Variants in DSCAML1 observed in about 807,000 individuals in gnomAD.
The protein encoded by DSCAML1 is DS cell adhesion molecule like 1, also known as cell adhesion molecule DSCAML1.
In DSCAML1, 38 loss-of-function variants were observed where a neutral mutation model predicts 200.5. The observed-to-expected ratio is 0.19, with a 90% CI of 0.15 to 0.25. DSCAML1 has a LOEUF of 0.25. DSCAML1 is among the 10% of genes least tolerant of loss of function. DSCAML1 has a pLI of 1.00. For missense variants in DSCAML1, 2,223 were observed against 2,858.8 expected (o/e 0.78, Z 5.07); for synonymous variants, 1,215 against 1,165.0 (o/e 1.04, Z -0.87).
At chr11:117,601,713 G>C (rs2051469716) in intron 3 of DSCAML1, among the ~76,000 whole-genome samples, 2 of 152,244 alleles carry the variant, frequency 1.3e-5, no homozygotes, top group South Asian at 4.1e-4. Context: ...AAGTGAACGA[G>C]AGAAACATGA....
chr11:117,790,217 A>G (rs1012213958), intron 1 of DSCAML1, among the ~76,000 whole-genome samples: 4 of 152,226 alleles, frequency 2.6e-5, no homozygotes, highest in Non-Finnish European at 5.9e-5. Context: ...TCTTCCCACA[A>G]AAGACTGTGG....
intron 3 of DSCAML1, among the ~76,000 whole-genome samples, chr11:117,755,461 G>T (rs1261674542): frequency 6.6e-6 from 1 of 152,120 alleles, no homozygotes; most frequent in Non-Finnish European, 1.5e-5. Context: ...TAAGTAACCT[G>T]TGCAAGGAGA....
intron 3 of DSCAML1, among the ~76,000 whole-genome samples, chr11:117,548,086 C>T (rs1415160662): frequency 2.6e-5 from 4 of 152,174 alleles, no homozygotes; most frequent in Admixed American, 2.6e-4. Context: ...TGGTACTGTC[C>T]CTAGAGAGTA....
intron 3 of DSCAML1, among the ~76,000 whole-genome samples, chr11:117,596,487 A>G (rs1301441203): frequency 6.6e-6 from 1 of 152,120 alleles, no homozygotes; most frequent in Non-Finnish European, 1.5e-5. Flanking sequence ...CCCATTGCTA[A>G]TGGCAATCAC....
At chr11:117,604,031 A>G (rs751812588) in intron 3 of DSCAML1, among the ~76,000 whole-genome samples, 108 of 152,150 alleles carry the variant, frequency 7.1e-4, no homozygotes, top group Non-Finnish European at 4.4e-5. Context: ...GCACTGGCAG[A>G]TCTGATATTC....
intron 3 of DSCAML1, among the ~76,000 whole-genome samples, chr11:117,718,879 C>G (rs2054001019): frequency 6.6e-6 from 1 of 152,136 alleles, no homozygotes; most frequent in Non-Finnish European, 1.5e-5. Context: ...TGCAAAGGAC[C>G]AGGCAGCAAA....
intron 3 of DSCAML1, among the ~76,000 whole-genome samples, chr11:117,595,089 C>CACACACA (rs375717572): frequency 2.6e-5 from 4 of 151,380 alleles, no homozygotes; most frequent in East Asian, 1.9e-4. Flanking sequence ...CACACACACA[C>CACACACA]CCTTTGATAT....
In DSCAML1 at chr11:117,780,707, C is replaced by A; in HGVS notation, c.150G>T (p.Ala50=). The change falls in exon 2 of 33, where the codon GCG becomes GCT. Residue 50 remains alanine (A), a synonymous_variant. Transcript: ENST00000651296. This position sits in a 1 kb window ranked among gnomAD's most constrained non-coding sequence, Gnocchi z 4.8. ...SVGVVVPCPA[A]GSPSAALRWY... Reference sequence around the variant, plus strand: ...ATCGAAGGGCCGCGCTGGGGGAGCCCGCGGCCGGGCAGGGCACCACCACCC... The same window carrying A: ...ATCGAAGGGCCGCGCTGGGGGAGCCAGCGGCCGGGCAGGGCACCACCACCC... 2.5e-6 allele frequency: 4 copies of A among 1,580,928 alleles called. No individual in the cohort carries two copies. Among genetic ancestry groups the A allele is most frequent in the Non-Finnish European group, 3.4e-6 (4 of 1,162,368 alleles).
intron 8 of DSCAML1, among the ~76,000 whole-genome samples, chr11:117,509,741 G>A (rs780234626): frequency 5.9e-5 from 9 of 152,286 alleles, no homozygotes; most frequent in Non-Finnish European, 1.0e-4. Flanking sequence ...AGTCAGCGGC[G>A]CCCTCTCCAG....
chr11:117,657,664 T>A (rs2052761792), intron 3 of DSCAML1, among the ~76,000 whole-genome samples: 1 of 152,118 alleles, frequency 6.6e-6, no homozygotes, highest in Admixed American at 6.5e-5. Context: ...TTTAAAATGA[T>A]CAACAGCCCA....
chr11:117,556,836 C>T (rs1002577873), intron 3 of DSCAML1, among the ~76,000 whole-genome samples: 1 of 152,214 alleles, frequency 6.6e-6, no homozygotes, highest in African/African-American at 2.4e-5. Context: ...AGCCATCCAT[C>T]TAGATTCTAG....
chr11:117,543,821 G>GT (rs1293662377), intron 3 of DSCAML1, among the ~76,000 whole-genome samples: 4 of 150,210 alleles, frequency 2.7e-5, no homozygotes, highest in Non-Finnish European at 4.4e-5. Flanking sequence ...TGTTTGTTTT[G>GT]TTTTTTTTAA....
chr11:117,768,927 T>C (rs1161517953), intron 3 of DSCAML1, among the ~76,000 whole-genome samples: 4 of 150,806 alleles, frequency 2.7e-5, no homozygotes, highest in Non-Finnish European at 5.9e-5. Flanking sequence ...AATACAAAAA[T>C]TAGCCAGGCG....
At position 117,670,122 on chromosome 11, in the gene DSCAML1, T is replaced by C. The variant is rs551938117; in HGVS notation, c.511+106669A>G. ...CTCCTAATTTTAAGTACACTGTGTA[T>C]ACCTCACAGTATACTGTGGGGGCAC... On this transcript the variant is annotated intron_variant, in intron 3 of 32. Transcript: ENST00000651296. Among the ~76,000 whole-genome samples the C allele has an allele frequency of 2.6e-5, 4 of 152,322 alleles. No individual in the cohort carries two copies. The South Asian group carries it at 8.3e-4, about 32-fold the overall frequency.
intron 11 of DSCAML1, among the ~76,000 whole-genome samples, chr11:117,497,440 G>A (rs1017545740): frequency 2.0e-5 from 3 of 152,214 alleles, no homozygotes; most frequent in Non-Finnish European, 2.9e-5. Context: ...TGGGGGCTGC[G>A]GCGGGGAGCC....
At chr11:117,528,056 A>G (rs994308527) in intron 4 of DSCAML1, among the ~76,000 whole-genome samples, 1 of 152,140 alleles carries the variant, frequency 6.6e-6, no homozygotes, top group Non-Finnish European at 1.5e-5. Context: ...GGCAACCAGT[A>G]GTATAGGTGT....
chr11:117,471,387 G>A (rs1216816033), intron 15 of DSCAML1, among the ~76,000 whole-genome samples: 1 of 152,112 alleles, frequency 6.6e-6, no homozygotes, highest in Non-Finnish European at 1.5e-5. Context: ...GGCCAGGCTG[G>A]TCTCGTACTC....
At chr11:117,602,919 C>T (rs914525236) in intron 3 of DSCAML1, among the ~76,000 whole-genome samples, 6 of 151,702 alleles carry the variant, frequency 4.0e-5, no homozygotes, top group Non-Finnish European at 5.9e-5. Flanking sequence ...GGCAACATGG[C>T]GAAACCCCGT....
rs938998959 is a variant in DSCAML1 at position 117,489,859 on chromosome 11, T to C, written c.2360-7697A>G. ...CTCCTTGTGTGTGACTGTGAGACTC[T>C]CCAGGGCAGAAGCATCTCTATTCCA... is the stretch of plus-strand genomic sequence containing the variant. On this transcript the variant is annotated intron_variant, in intron 11 of 32. Coordinates refer to ENST00000651296, the MANE Select transcript of DSCAML1 (RefSeq NM_020693.4). This position sits in a 1 kb window ranked among gnomAD's most constrained non-coding sequence, Gnocchi z 4.8. Among the ~76,000 whole-genome samples, 2 of 152,190 alleles carry C rather than the reference T, an allele frequency of 1.3e-5. No homozygotes were observed. Among genetic ancestry groups the C allele is most frequent in the African/African-American group, 4.8e-5 (2 of 41,446 alleles).
Sources: gnomAD v4.1 joint callset for allele counts (sites outside exome capture counted in the v4.1 genomes callset) on GRCh38, gnomAD v4.1.1 for gene constraint, Gnocchi (gnomAD v3.1) non-coding constraint, MANE v1.5 for transcripts, NCBI Gene and HGNC (gene_info 2026-07-23, HGNC 2026-07-21) for gene names.